RALYL: variants seen among roughly 807,000 people sequenced by gnomAD.
RALYL encodes RNA-binding Raly-like protein.
Under a neutral mutation model 35.1 loss-of-function variants are expected in RALYL, and 29 were observed. The ratio of observed to expected loss-of-function variants is 0.83; its 90% CI spans 0.61 to 1.13. The LOEUF (loss-of-function observed/expected upper bound fraction) is 1.13, where lower values mean the gene tolerates loss of function less well. Ranked by LOEUF, RALYL falls within the 50% of genes most tolerant of loss-of-function variation. RALYL has a pLI of 0.00. For synonymous variants in RALYL, 120 were observed against 127.6 expected, an observed-to-expected ratio of 0.94 and a Z score of 0.40; for missense variants, 359 against 360.4, an observed-to-expected ratio of 1.00 and a Z score of 0.03.
chr8:84,276,334 T>C (rs989745514), intron 1 of RALYL, among the ~76,000 whole-genome samples: 1 of 152,194 alleles, frequency 6.6e-6, no homozygotes, highest in Non-Finnish European at 1.5e-5. Flanking sequence ...AAGGCACCTT[T>C]ATGGACACCT....
rs543978621 is a variant in RALYL, at chr8:84,494,087, G to A, written c.-23-35212G>A. 5.3e-5 allele frequency among the ~76,000 whole-genome samples: 8 copies of A among 152,206 alleles called. No homozygotes were observed. The South Asian group carries it at 1.7e-3, about 32-fold the overall frequency. ...TCTTGAGTTAATTTTTGTATAAAGT[G>A]TAAGGAATGGGTCCAGTTTCAGTTT... On this transcript the variant is annotated intron_variant, in intron 1 of 8. Transcript: ENST00000521268.
chr8:84,848,420 T>C (rs762121884), intron 4 of RALYL, among the ~76,000 whole-genome samples: 2 of 141,042 alleles, frequency 1.4e-5, no homozygotes, highest in African/African-American at 2.5e-5. Context: ...TGTGTGTATA[T>C]ATATATGTGT....
chr8:84,626,226 T>C (rs573612930), intron 2 of RALYL, among the ~76,000 whole-genome samples: 16 of 152,304 alleles, frequency 1.1e-4, no homozygotes, highest in African/African-American at 3.8e-4. Flanking sequence ...ACGTTTAAGT[T>C]GAACATACTG....
chr8:84,548,217 T>C (rs951474629), intron 2 of RALYL, among the ~76,000 whole-genome samples: 3 of 152,132 alleles, frequency 2.0e-5, no homozygotes, highest in African/African-American at 7.2e-5. Flanking sequence ...TTCCTTTCCA[T>C]CTCGTATTTT....
chr8:84,488,463 A>G (rs1318622350), intron 1 of RALYL, among the ~76,000 whole-genome samples: 1 of 152,048 alleles, frequency 6.6e-6, no homozygotes, highest in Non-Finnish European at 1.5e-5. Flanking sequence ...TTGTTGCTCC[A>G]TGTTCTGCTG....
At chr8:84,677,049 T>C (rs1189122792) in intron 2 of RALYL, among the ~76,000 whole-genome samples, 1 of 152,042 alleles carries the variant, frequency 6.6e-6, no homozygotes, top group Admixed American at 6.6e-5. Context: ...ATCCACTCTC[T>C]TGGGCCTCCC....
At chr8:84,514,090 T>TAAAAAAA (rs57881021) in intron 1 of RALYL, among the ~76,000 whole-genome samples, 55 of 41,112 alleles carry the variant, frequency 1.3e-3, no homozygotes, top group South Asian at 5.5e-3. Flanking sequence ...AGATTTCATC[T>TAAAAAAA]AAAAAAAAAA....
chr8:84,625,752 G>C (rs753519487), intron 2 of RALYL, among the ~76,000 whole-genome samples: 24 of 152,114 alleles, frequency 1.6e-4, no homozygotes, highest in African/African-American at 1.2e-4. Context: ...CAAGCTCTCA[G>C]GATGACCAGA....
At chr8:84,371,350 A>G (rs1310955420) in intron 1 of RALYL, among the ~76,000 whole-genome samples, 2 of 152,008 alleles carry the variant, frequency 1.3e-5, no homozygotes, top group African/African-American at 2.4e-5. Context: ...GCACGGTGAC[A>G]TTCTGCGTCT....
intron 4 of RALYL, among the ~76,000 whole-genome samples, chr8:84,844,237 T>C (rs1366182814): frequency 2.6e-5 from 4 of 152,048 alleles, no homozygotes; most frequent in Non-Finnish European, 1.5e-5. Context: ...AGGGTTAATA[T>C]CCAGAATCTA....
chr8:84,913,032 A>AGG (rs1847800520), intron 8 of RALYL, among the ~76,000 whole-genome samples: 1 of 109,048 alleles, frequency 9.2e-6, no homozygotes, highest in South Asian at 3.5e-4. Context: ...GGATGGATGG[A>AGG]TAGGTAGGTA....
chr8:84,898,953 T>C (rs1388359397), intron 8 of RALYL, among the ~76,000 whole-genome samples: 1 of 152,166 alleles, frequency 6.6e-6, no homozygotes, highest in Non-Finnish European at 1.5e-5. Flanking sequence ...TTTAAAACCG[T>C]TTGAGCCAGG....
chr8:84,838,259 A>C (rs1175230638), intron 4 of RALYL, among the ~76,000 whole-genome samples: 1 of 152,198 alleles, frequency 6.6e-6, no homozygotes, highest in African/African-American at 2.4e-5. Context: ...AGGTTCACTC[A>C]GAAAGAAAAA....
At chr8:84,341,745 TG>T (rs1303605006) in intron 1 of RALYL, among the ~76,000 whole-genome samples, 1 of 152,010 alleles carries the variant, frequency 6.6e-6, no homozygotes, top group Non-Finnish European at 1.5e-5. Flanking sequence ...GTAAGGATTT[TG>T]TTTGAAAATA....
chr8:84,804,860 T>G, intron 4 of RALYL, 58 bp downstream of exon 4: 1 of 893,784 alleles, frequency 1.1e-6, no homozygotes, highest in Non-Finnish European at 1.5e-6. Flanking sequence ...TTCCAAGAAC[T>G]TCTGAGATGG....
At chr8:84,845,887 A>G (rs1834541603) in intron 4 of RALYL, among the ~76,000 whole-genome samples, 1 of 152,138 alleles carries the variant, frequency 6.6e-6, no homozygotes, top group Admixed American at 6.5e-5. Context: ...GGCACTATTG[A>G]CTAGGGAGTC....
At chr8:84,713,893 A>G (rs528945083) in intron 2 of RALYL, among the ~76,000 whole-genome samples, 1 of 151,406 alleles carries the variant, frequency 6.6e-6, no homozygotes, top group African/African-American at 2.4e-5. Flanking sequence ...TAATATATAA[A>G]TATCATATCT....
At chr8:84,413,433 G>T (rs191670376) in intron 1 of RALYL, among the ~76,000 whole-genome samples, 65 of 151,610 alleles carry the variant, frequency 4.3e-4, no homozygotes, top group African/African-American at 1.4e-3. Context: ...AATCCCTCTT[G>T]TTATTAGACA....
At chr8:84,549,609 A>C (rs2060584139) in intron 2 of RALYL, among the ~76,000 whole-genome samples, 1 of 152,206 alleles carries the variant, frequency 6.6e-6, no homozygotes, top group Non-Finnish European at 1.5e-5. Flanking sequence ...TCTGGGAAAG[A>C]GCTAAAATAA....
Sources: allele counts gnomAD v4.1 joint callset (sites outside exome capture counted in the v4.1 genomes callset), GRCh38; gene constraint gnomAD v4.1.1; transcripts MANE v1.5; gene names NCBI Gene and HGNC (gene_info 2026-07-23, HGNC 2026-07-21).